Variants in PDE11A observed in about 807,000 individuals in gnomAD.
PDE11A encodes the protein phosphodiesterase 11A.
Under a neutral mutation model 100.5 loss-of-function variants are expected in PDE11A, and 100 were observed. The ratio of observed to expected loss-of-function variants is 1.00; its 90% CI spans 0.85 to 1.18. PDE11A has a LOEUF of 1.18. Ranked by LOEUF, PDE11A falls within the 50% of genes most tolerant of loss-of-function variation. PDE11A has a pLI of 0.00. For missense variants in PDE11A, 1,141 were observed against 1,152.6 expected, an observed-to-expected ratio of 0.99 and a Z score of 0.15; for synonymous variants, 381 against 420.8, an observed-to-expected ratio of 0.91 and a Z score of 1.16.
chr2:178,024,200 T>TCAGGAGTTTGAGACCAGC (rs2086449448), intron 1 of PDE11A, among the ~76,000 whole-genome samples: 1 of 152,030 alleles, frequency 6.6e-6, no homozygotes, highest in Admixed American at 6.6e-5. Flanking sequence ...TCACCTGAGG[T>TCAGGAGTTTGAGACCAGC]CAGGAGTTTG....
intron 6 of PDE11A, among the ~76,000 whole-genome samples, chr2:177,831,260 G>C (rs1242892897): frequency 6.6e-6 from 1 of 152,158 alleles, no homozygotes; most frequent in African/African-American, 2.4e-5. Flanking sequence ...CACTTGGGAT[G>C]GGGTTTACAT....
chr2:177,672,308 T>C (rs1388646110), intron 17 of PDE11A, among the ~76,000 whole-genome samples: 2 of 152,204 alleles, frequency 1.3e-5, no homozygotes, highest in Non-Finnish European at 2.9e-5. Flanking sequence ...AAATACTCTA[T>C]TGGAAAACTG....
chr2:177,850,769 A>G (rs2083686608), intron 5 of PDE11A, among the ~76,000 whole-genome samples: 2 of 152,254 alleles, frequency 1.3e-5, no homozygotes, highest in Admixed American at 1.3e-4. Flanking sequence ...TATGCAGCCA[A>G]CAGACACATG....
At chr2:177,698,060 A>C (rs1428066664) in intron 14 of PDE11A, among the ~76,000 whole-genome samples, 7 of 152,170 alleles carry the variant, frequency 4.6e-5, no homozygotes, top group Non-Finnish European at 1.0e-4. Context: ...CCCCCACAAC[A>C]AAGATTTACT....
At chr2:177,691,989 C>G (rs1170746582) in intron 15 of PDE11A, among the ~76,000 whole-genome samples, 1 of 152,176 alleles carries the variant, frequency 6.6e-6, no homozygotes, top group Non-Finnish European at 1.5e-5. Flanking sequence ...GCTAATTGGA[C>G]TGTATATTTA....
Position 177,820,265 on chromosome 2 carries a change from A to G in PDE11A, c.1531T>C (p.Ser511Pro). Residue 511 changes from serine to proline, a missense_variant, in exon 7 of 20, where the codon TCT becomes CCT. Coordinates refer to ENST00000286063, the MANE Select transcript of PDE11A (RefSeq NM_016953.4). Reference protein sequence around the residue: ...ADQISGFHIRSVLCVPIWNSN... With the variant: ...ADQISGFHIRPVLCVPIWNSN... ...TTCCAAATAGGGACACAAAGAACAGATCTTATGTGAAAACCAGATATCTGG... is the reference window on the plus strand; with the variant it reads ...TTCCAAATAGGGACACAAAGAACAGGTCTTATGTGAAAACCAGATATCTGG... 1 of 1,593,622 alleles carries G rather than the reference A, an allele frequency of 6.3e-7. No homozygotes were observed. Among genetic ancestry groups the G allele is most frequent in the Non-Finnish European group, 8.6e-7 (1 of 1,161,770 alleles).
intron 2 of PDE11A, among the ~76,000 whole-genome samples, chr2:177,928,276 A>C (rs192060539): frequency 7.2e-5 from 11 of 152,178 alleles, no homozygotes; most frequent in Non-Finnish European, 1.6e-4. Flanking sequence ...TAGGAGGATC[A>C]CTTGAAGCCA....
chr2:177,844,120 G>A (rs1027502297), intron 5 of PDE11A, among the ~76,000 whole-genome samples: 2 of 152,204 alleles, frequency 1.3e-5, no homozygotes, highest in Admixed American at 1.3e-4. Context: ...TTACATCACT[G>A]TCTTAGTCCA....
intron 4 of PDE11A, among the ~76,000 whole-genome samples, chr2:177,881,560 A>G (rs1209153454): frequency 2.0e-5 from 3 of 152,262 alleles, no homozygotes; most frequent in African/African-American, 7.2e-5. Flanking sequence ...TACATGTGGC[A>G]TTAGTCCGTG....
intron 10 of PDE11A, among the ~76,000 whole-genome samples, chr2:177,732,948 G>C (rs190304807): frequency 3.9e-5 from 6 of 152,260 alleles, no homozygotes; most frequent in Non-Finnish European, 7.3e-5. Flanking sequence ...TCAAGGGCAG[G>C]TTCTGGAGAA....
chr2:177,777,027 T>G (rs978455432), intron 9 of PDE11A, among the ~76,000 whole-genome samples: 1 of 152,152 alleles, frequency 6.6e-6, no homozygotes. Context: ...TCCTGTACCA[T>G]GTGAAGGACA....
chr2:178,100,836 A>G (rs2087551602), intron 2 of PDE11A, among the ~76,000 whole-genome samples: 1 of 152,226 alleles, frequency 6.6e-6, no homozygotes, highest in South Asian at 2.1e-4. Flanking sequence ...TAAATTCCTC[A>G]AACTACTGGC....
At chr2:177,898,036 T>G in intron 4 of PDE11A, 22 bp downstream of exon 4, 5 of 1,583,660 alleles carry the variant, frequency 3.2e-6, no homozygotes, top group Non-Finnish European at 3.5e-6. Context: ...TCTTCAACTT[T>G]AAAAGATAAA....
At chr2:177,848,942 C>T (rs1252628325) in intron 5 of PDE11A, among the ~76,000 whole-genome samples, 1 of 152,172 alleles carries the variant, frequency 6.6e-6, no homozygotes. Flanking sequence ...CATTAGAAGA[C>T]AAAACATCTT....
chr2:177,963,586 C>T (rs1257780867), intron 2 of PDE11A, among the ~76,000 whole-genome samples: 1 of 152,242 alleles, frequency 6.6e-6, no homozygotes, highest in South Asian at 2.1e-4. Context: ...CTACTCTCCC[C>T]TGGTCCACCT....
chr2:177,730,008 A>AG (rs1044341132), intron 10 of PDE11A, among the ~76,000 whole-genome samples: 8 of 152,170 alleles, frequency 5.3e-5, no homozygotes, highest in Non-Finnish European at 1.2e-4. Flanking sequence ...AAAGAAACAG[A>AG]GGGAAAAAAG....
intron 19 of PDE11A, among the ~76,000 whole-genome samples, chr2:177,644,647 T>C (rs943046218): frequency 2.4e-4 from 36 of 152,090 alleles, no homozygotes; most frequent in Non-Finnish European, 8.8e-5. Context: ...TGGGAAAACA[T>C]GATTGGTTTT....
Position 178,005,051 on chromosome 2 carries a change from A to G in PDE11A, c.1071+9251T>C, listed in dbSNP as rs150538351. Among the ~76,000 whole-genome samples the G allele has an allele frequency of 5.2e-3, 797 of 152,054 alleles. 9 individuals are homozygous for G. The highest frequency in any genetic ancestry group is 8.6e-3 in the Non-Finnish European group (586 of 67,934). ...CCACATACTCTGCAGGATCTAGGTA[A>G]GGTAGTTTGCAGTTACCAGGAACAT... On this transcript the variant is annotated intron_variant, in intron 2 of 19. Coordinates refer to ENST00000286063, the MANE Select transcript of PDE11A (RefSeq NM_016953.4).
chr2:177,914,960 T>C (rs1360360738), intron 2 of PDE11A, among the ~76,000 whole-genome samples: 1 of 152,178 alleles, frequency 6.6e-6, no homozygotes, highest in African/African-American at 2.4e-5. Flanking sequence ...TGCTTTCACT[T>C]TGCATGCTGT....
Sources: allele counts gnomAD v4.1 joint callset (sites outside exome capture counted in the v4.1 genomes callset), GRCh38; gene constraint gnomAD v4.1.1; transcripts MANE v1.5; gene names NCBI Gene and HGNC (gene_info 2026-07-23, HGNC 2026-07-21).